HEMK2: variants seen among roughly 807,000 people sequenced by gnomAD.
HEMK2 encodes methyltransferase HEMK2.
the HEMK2 span, among the ~76,000 whole-genome samples, chr21:28,818,917 G>C: frequency 6.6e-6 from 1 of 152,178 alleles, no homozygotes; most frequent in South Asian, 2.1e-4. Flanking sequence ...AATTACAGAG[G>C]AATGTTCTGG....
the HEMK2 span, among the ~76,000 whole-genome samples, chr21:28,738,938 A>G: frequency 6.6e-6 from 1 of 152,328 alleles, no homozygotes; most frequent in East Asian, 1.9e-4. Flanking sequence ...TTTGCTTTCA[A>G]TTAGCTTTCT....
At chr21:28,592,482 G>A in the HEMK2 span, among the ~76,000 whole-genome samples, 1 of 152,100 alleles carries the variant, frequency 6.6e-6, no homozygotes, top group Admixed American at 6.6e-5. Context: ...GCTTATTGAA[G>A]GACTAAAACA....
chr21:28,729,689 A>G, the HEMK2 span, among the ~76,000 whole-genome samples: 31 of 152,006 alleles, frequency 2.0e-4, no homozygotes, highest in African/African-American at 7.0e-4. Flanking sequence ...AAGTTTATAA[A>G]TTTGTTTTGT....
At chr21:28,657,101 T>C in the HEMK2 span, among the ~76,000 whole-genome samples, 1 of 152,112 alleles carries the variant, frequency 6.6e-6, no homozygotes, top group Non-Finnish European at 1.5e-5. Flanking sequence ...CTCAACATTA[T>C]ATTAAACGGT....
At chr21:28,848,723 A>G in the HEMK2 span, among the ~76,000 whole-genome samples, 1 of 152,352 alleles carries the variant, frequency 6.6e-6, no homozygotes, top group South Asian at 2.1e-4. Context: ...GATTATGTTT[A>G]TAAAATTTCC....
chr21:28,689,865 T>G, the HEMK2 span, among the ~76,000 whole-genome samples: 3 of 152,194 alleles, frequency 2.0e-5, no homozygotes, highest in East Asian at 3.9e-4. Flanking sequence ...TTACTGCTGC[T>G]GTTTGAAGAT....
chr21:28,710,686 T>A, the HEMK2 span, among the ~76,000 whole-genome samples: 1 of 152,168 alleles, frequency 6.6e-6, no homozygotes, highest in African/African-American at 2.4e-5. Context: ...GAGGGTGCAG[T>A]GGAGAATGGA....
chr21:28,738,106 CAT>C, the HEMK2 span, among the ~76,000 whole-genome samples: 4 of 152,312 alleles, frequency 2.6e-5, no homozygotes, highest in Admixed American at 2.0e-4. Flanking sequence ...TTTGCCGACA[CAT>C]GAGGGCCCCT....
At chr21:28,795,512 T>A in the HEMK2 span, among the ~76,000 whole-genome samples, 1 of 152,230 alleles carries the variant, frequency 6.6e-6, no homozygotes, top group East Asian at 1.9e-4. Flanking sequence ...CATCTCTTTA[T>A]CTGCAATACC....
the HEMK2 span, among the ~76,000 whole-genome samples, chr21:28,751,792 G>C: frequency 6.6e-6 from 1 of 152,160 alleles, no homozygotes; most frequent in African/African-American, 2.4e-5. Flanking sequence ...CGATTCTCCT[G>C]CCTCAGCCTC....
chr21:28,785,148 C>T, the HEMK2 span, among the ~76,000 whole-genome samples: 4 of 152,202 alleles, frequency 2.6e-5, no homozygotes, highest in East Asian at 7.7e-4. Flanking sequence ...ACTCCAAACA[C>T]ATCCAAACAT....
At chr21:28,880,021 T>C in the HEMK2 span, 1 of 1,132,348 alleles carries the variant, frequency 8.8e-7, no homozygotes, top group Non-Finnish European at 1.3e-6. Context: ...CAAATTAATC[T>C]TTAAAAATAA....
chr21:28,792,447 C>T, the HEMK2 span, among the ~76,000 whole-genome samples: 6 of 152,114 alleles, frequency 3.9e-5, no homozygotes, highest in Non-Finnish European at 7.4e-5. Flanking sequence ...CTTAAGCCCC[C>T]ACAAGTGAGA....
At chr21:28,618,326 T>TAA in the HEMK2 span, among the ~76,000 whole-genome samples, 1 of 152,182 alleles carries the variant, frequency 6.6e-6, no homozygotes, top group Non-Finnish European at 1.5e-5. Context: ...CAAAAACAAA[T>TAA]ATGTTTTTTG....
At chr21:28,775,043 G>T in the HEMK2 span, among the ~76,000 whole-genome samples, 26 of 152,136 alleles carry the variant, frequency 1.7e-4, no homozygotes, top group Non-Finnish European at 3.4e-4. Flanking sequence ...AAGGAAGGAG[G>T]CCCTTCAGGC....
At chr21:28,636,510 A>G in the HEMK2 span, among the ~76,000 whole-genome samples, 1 of 152,130 alleles carries the variant, frequency 6.6e-6, no homozygotes, top group African/African-American at 2.4e-5. Context: ...CCTCCATTTC[A>G]TAAAATTAAC....
chr21:28,765,017 CAACT>C, the HEMK2 span, among the ~76,000 whole-genome samples: 3 of 152,170 alleles, frequency 2.0e-5, 1 homozygote, highest in African/African-American at 7.2e-5. Context: ...TGCTTCTAAC[CAACT>C]GAGTATGATG....
chr21:28,725,622 A>T, the HEMK2 span, among the ~76,000 whole-genome samples: 1 of 152,324 alleles, frequency 6.6e-6, no homozygotes, highest in African/African-American at 2.4e-5. Context: ...GAACTCTGCA[A>T]GTTCTATCAT....
chr21:28,697,794 A>AAAAAAT, the HEMK2 span, among the ~76,000 whole-genome samples: 1 of 151,846 alleles, frequency 6.6e-6, no homozygotes, highest in Non-Finnish European at 1.5e-5. Flanking sequence ...AAAAAAAAAA[A>AAAAAAT]AAAAATCTTT....
Sources: gnomAD v4.1 joint callset for allele counts (sites outside exome capture counted in the v4.1 genomes callset) on GRCh38, gnomAD v4.1.1 for gene constraint, MANE v1.5 for transcripts, NCBI Gene and HGNC (gene_info 2026-07-23, HGNC 2026-07-21) for gene names.